Variants in PAK3 observed in about 807,000 individuals in gnomAD.
The protein encoded by PAK3 is serine/threonine-protein kinase PAK 3.
PAK3 carries 4 observed loss-of-function variants against 41.0 expected under a neutral mutation model. The observed-to-expected ratio is 0.10, with a 90% CI of 0.05 to 0.22. The LOEUF (loss-of-function observed/expected upper bound fraction) is 0.22. Ranked by LOEUF, PAK3 falls within the 10% of genes least tolerant of loss-of-function variation. PAK3 has a pLI of 1.00. For missense variants in PAK3, 205 were observed against 409.9 expected, an observed-to-expected ratio of 0.50 and a Z score of 4.32; for synonymous variants, 146 against 139.6, an observed-to-expected ratio of 1.05 and a Z score of -0.32.
intron 1 of PAK3, among the ~76,000 whole-genome samples, chrX:111,072,486 T>C (rs1426583254): frequency 8.9e-6 from 1 of 112,444 alleles, no homozygotes; most frequent in African/African-American, 3.2e-5. Context: ...CTTCAGAGCT[T>C]TCTAGAGTTT....
intron 1 of PAK3, among the ~76,000 whole-genome samples, chrX:111,007,741 G>A (rs1391835665): frequency 2.7e-5 from 3 of 111,611 alleles, no homozygotes; most frequent in Non-Finnish European, 5.6e-5. Flanking sequence ...TTGTGATTGT[G>A]CTTTCCATGC....
chrX:111,046,576 G>A (rs2092500815), intron 1 of PAK3, among the ~76,000 whole-genome samples: 1 of 111,472 alleles, frequency 9.0e-6, no homozygotes. Flanking sequence ...ACTACAGATG[G>A]GGTGTAGGAT....
At chrX:110,990,622 C>T (rs891091315) in intron 1 of PAK3, among the ~76,000 whole-genome samples, 32 of 108,941 alleles carry the variant, frequency 2.9e-4, no homozygotes, top group African/African-American at 1.1e-3. Flanking sequence ...TAAAAATTCA[C>T]AGGCTAGGGC....
chrX:111,197,576 T>C (rs1051895690), intron 16 of PAK3, among the ~76,000 whole-genome samples: 2 of 112,690 alleles, frequency 1.8e-5, no homozygotes, highest in African/African-American at 6.5e-5. Context: ...ATGATAACTC[T>C]AAGTTCTTTG....
intron 3 of PAK3, among the ~76,000 whole-genome samples, chrX:111,099,412 G>A (rs1042956050): frequency 9.0e-6 from 1 of 111,057 alleles, no homozygotes; most frequent in African/African-American, 3.3e-5. Context: ...GCTACAGCTG[G>A]GTCTAAGTCT....
intron 1 of PAK3, among the ~76,000 whole-genome samples, chrX:110,975,997 C>A (rs2148644323): frequency 8.9e-6 from 1 of 111,960 alleles, no homozygotes; most frequent in Non-Finnish European, 1.9e-5. Flanking sequence ...GACCTAAAAC[C>A]ATGAAAACCC....
At chrX:111,078,125 G>A (rs2092802766) in intron 1 of PAK3, among the ~76,000 whole-genome samples, 1 of 111,922 alleles carries the variant, frequency 8.9e-6, no homozygotes, top group Non-Finnish European at 1.9e-5. Flanking sequence ...CCTCATACTT[G>A]TTAGAATGAC....
At chrX:111,144,814 TA>T in intron 6 of PAK3, 1 of 738,441 alleles carries the variant, frequency 1.4e-6, no homozygotes, top group Non-Finnish European at 2.0e-6. Flanking sequence ...TCAATGATTA[TA>T]AGTCCTCATC....
At position 111,030,887 on chromosome X, in the gene PAK3, T is replaced by C. The variant is rs184554213; in HGVS notation, c.-28+86259T>C. ...ACATTTGAATGATGTTAATTCTCAC[T>C]GTGAAAGTTTAAGCTACATTACAAG... is the stretch of plus-strand genomic sequence containing the variant. On this transcript the variant is annotated intron_variant, in intron 1 of 14. Transcript: ENST00000425146. Among the ~76,000 whole-genome samples the C allele has an allele frequency of 1.0e-3, 112 of 111,905 alleles. 1 individual carries two copies. The highest frequency in any genetic ancestry group is 3.6e-3 in the African/African-American group (111 of 30,875).
chrX:111,138,607 G>T (rs1045528474), intron 5 of PAK3, among the ~76,000 whole-genome samples: 1 of 111,035 alleles, frequency 9.0e-6, no homozygotes, highest in Non-Finnish European at 1.9e-5. Flanking sequence ...ATTTGGGGGA[G>T]AGGGTAAGAA....
intron 11 of PAK3, among the ~76,000 whole-genome samples, chrX:111,191,067 T>C (rs2094556393): frequency 8.9e-6 from 1 of 112,043 alleles, no homozygotes. Flanking sequence ...AGAGTACTGC[T>C]AAGATATAAA....
At chrX:110,964,212 C>T (rs761720703) in intron 1 of PAK3, among the ~76,000 whole-genome samples, 5 of 111,808 alleles carry the variant, frequency 4.5e-5, no homozygotes, top group Non-Finnish European at 7.5e-5. Context: ...CCCTAGCAAT[C>T]GATGAAGCTA....
chrX:110,982,347 G>A (rs1475519164), intron 1 of PAK3, among the ~76,000 whole-genome samples: 2 of 112,090 alleles, frequency 1.8e-5, no homozygotes, highest in East Asian at 2.8e-4. Context: ...GCTCTGTGAC[G>A]CTGAACAAGT....
chrX:111,058,410 T>C (rs1186523545), intron 1 of PAK3, among the ~76,000 whole-genome samples: 1 of 111,865 alleles, frequency 8.9e-6, no homozygotes, highest in Non-Finnish European at 1.9e-5. Flanking sequence ...TATTGTGGCT[T>C]TGATTTCAAT....
intron 1 of PAK3, among the ~76,000 whole-genome samples, chrX:111,010,243 T>C (rs2091992030): frequency 8.9e-6 from 1 of 112,016 alleles, no homozygotes; most frequent in Non-Finnish European, 1.9e-5. Flanking sequence ...GGAACTGACA[T>C]CATGAATAAT....
At chrX:111,032,337 T>C (rs1034048082) in intron 1 of PAK3, among the ~76,000 whole-genome samples, 3 of 112,184 alleles carry the variant, frequency 2.7e-5, no homozygotes, top group Non-Finnish European at 3.8e-5. Flanking sequence ...TGTGTAACTA[T>C]AGTTTTTTAA....
Position 111,221,408 on chromosome X carries a change from T to G in PAK3, c.*961T>G, listed in dbSNP as rs775113651. The G allele has an allele frequency of 4.5e-4, 50 of 111,918 alleles. No individual in the cohort carries two copies. The highest frequency in any genetic ancestry group is 7.3e-4 in the Non-Finnish European group (39 of 53,137). 9.2% of individuals were successfully genotyped at this position (111,918 alleles called of 1,213,427 possible). On this transcript the variant is annotated 3_prime_UTR_variant, in exon 18 of 18. Coordinates refer to ENST00000372007, the MANE Select transcript of PAK3 (RefSeq NM_002578.5). The stretch of plus-strand genomic sequence containing the variant: ...CCACATTTAAACAAAGATGGGACTT[T>G]CTCTGAGAGCCAAAACCAGATAAAT...
At chrX:111,101,745 G>A (rs2093145397) in intron 3 of PAK3, among the ~76,000 whole-genome samples, 1 of 111,940 alleles carries the variant, frequency 8.9e-6, no homozygotes, top group Admixed American at 9.4e-5. Flanking sequence ...GGGAGGGAGG[G>A]GGCGAGTACA....
intron 1 of PAK3, among the ~76,000 whole-genome samples, chrX:111,086,927 C>G (rs747376286): frequency 1.3e-4 from 15 of 111,803 alleles, no homozygotes; most frequent in Non-Finnish European, 2.1e-4. Flanking sequence ...CTATAATTAG[C>G]ATATTGGTAA....
Sources: allele counts gnomAD v4.1 joint callset (sites outside exome capture counted in the v4.1 genomes callset), GRCh38; gene constraint gnomAD v4.1.1; transcripts MANE v1.5; gene names NCBI Gene and HGNC (gene_info 2026-07-23, HGNC 2026-07-21).